Variants in NLGN1 observed in about 807,000 individuals in gnomAD.
NLGN1 encodes the protein neuroligin 1.
In NLGN1, 12 loss-of-function variants were observed where a neutral mutation model predicts 65.5. The observed-to-expected ratio is 0.18, with a 90% CI of 0.12 to 0.30. The LOEUF is 0.30. Ranked by LOEUF, NLGN1 falls within the 10% of genes least tolerant of loss-of-function variation. The probability of loss-of-function intolerance (pLI) is 1.00; values close to 1 mark genes in which losing one functional copy is unlikely to be tolerated. For synonymous variants in NLGN1, 350 were observed against 359.5 expected (o/e 0.97, Z 0.30); for missense variants, 750 against 1,007.1 (o/e 0.74, Z 3.46).
chr3:173,912,020 AT>A (rs1739708051), intron 4 of NLGN1, among the ~76,000 whole-genome samples: 1 of 152,210 alleles, frequency 6.6e-6, no homozygotes, highest in Non-Finnish European at 1.5e-5. Flanking sequence ...TTTTTCTAGT[AT>A]ATTTCATAAG....
At chr3:173,984,629 A>T (rs1037230659) in intron 4 of NLGN1, among the ~76,000 whole-genome samples, 2 of 152,176 alleles carry the variant, frequency 1.3e-5, no homozygotes, top group Non-Finnish European at 2.9e-5. Context: ...TATCAAACTT[A>T]TCTAATCACA....
intron 4 of NLGN1, among the ~76,000 whole-genome samples, chr3:173,935,871 T>C (rs182935639): frequency 6.6e-6 from 1 of 152,058 alleles, no homozygotes; most frequent in East Asian, 1.9e-4. Context: ...AATTATATCA[T>C]GAGGGAAGTT....
chr3:173,912,532 C>A (rs1739824745), intron 4 of NLGN1: 1 of 152,066 alleles, frequency 6.6e-6, no homozygotes, highest in African/African-American at 2.4e-5. Flanking sequence ...CTGGTATATG[C>A]CCCATGTATC....
chr3:173,612,072 A>G (rs1023919786), intron 3 of NLGN1, among the ~76,000 whole-genome samples: 1 of 151,960 alleles, frequency 6.6e-6, no homozygotes, highest in African/African-American at 2.4e-5. Context: ...GGTCTTTAAT[A>G]TCTCTCCTAT....
chr3:173,607,700 A>T (rs1197316565), intron 3 of NLGN1, among the ~76,000 whole-genome samples: 6 of 151,642 alleles, frequency 4.0e-5, no homozygotes, highest in Non-Finnish European at 7.4e-5. Flanking sequence ...ATATCTGTTT[A>T]TATATATACT....
At chr3:174,255,155 G>A (rs1207082098) in intron 4 of NLGN1, among the ~76,000 whole-genome samples, 1 of 152,166 alleles carries the variant, frequency 6.6e-6, no homozygotes, top group East Asian at 1.9e-4. Context: ...CGAAACCTTA[G>A]AGACAGAAGG....
chr3:173,758,532 A>G (rs1341360998), intron 3 of NLGN1, among the ~76,000 whole-genome samples: 1 of 152,040 alleles, frequency 6.6e-6, no homozygotes, highest in African/African-American at 2.4e-5. Context: ...TATTATCTAC[A>G]GTACTTTATA....
At chr3:173,915,978 G>A (rs116575435) in intron 4 of NLGN1, among the ~76,000 whole-genome samples, 1,844 of 152,134 alleles carry the variant, frequency 0.012, 12 homozygotes, top group Non-Finnish European at 0.019. Context: ...GGTTTAGATC[G>A]TGAACTTTAA....
chr3:173,490,026 T>G (rs1214622147), intron 2 of NLGN1, among the ~76,000 whole-genome samples: 2 of 152,188 alleles, frequency 1.3e-5, no homozygotes, highest in South Asian at 4.1e-4. Context: ...TTTCTCCCAT[T>G]CTGTAGGTTG....
chr3:173,970,444 G>T (rs184285847), intron 4 of NLGN1, among the ~76,000 whole-genome samples: 31 of 152,206 alleles, frequency 2.0e-4, no homozygotes, highest in Admixed American at 1.4e-3. Context: ...AATGCCGGAA[G>T]TTCAGTGTGG....
At chr3:174,152,799 A>C (rs1344373995) in intron 4 of NLGN1, among the ~76,000 whole-genome samples, 3 of 152,104 alleles carry the variant, frequency 2.0e-5, no homozygotes, top group Non-Finnish European at 4.4e-5. Context: ...TTTAATCTCC[A>C]ACTAAGAAAA....
the NLGN1 span, among the ~76,000 whole-genome samples, chr3:174,294,217 G>A: frequency 6.6e-6 from 1 of 151,324 alleles, no homozygotes; most frequent in African/African-American, 2.4e-5. Flanking sequence ...TTTAAATTGA[G>A]GTAAAACATC....
intron 4 of NLGN1, among the ~76,000 whole-genome samples, chr3:173,932,518 A>G (rs1402863105): frequency 6.6e-6 from 1 of 152,092 alleles, no homozygotes; most frequent in East Asian, 1.9e-4. Context: ...AAAAAAAAAA[A>G]AAAGTGTGGT....
intron 3 of NLGN1, among the ~76,000 whole-genome samples, chr3:173,618,576 G>C (rs372744657): frequency 3.9e-4 from 59 of 152,264 alleles, no homozygotes; most frequent in African/African-American, 1.4e-3. Context: ...AAACGAGAGA[G>C]TGAGACTATA....
intron 3 of NLGN1, among the ~76,000 whole-genome samples, chr3:173,799,102 C>G (rs896528436): frequency 1.3e-5 from 2 of 151,952 alleles, no homozygotes; most frequent in East Asian, 3.9e-4. Context: ...CAGTACATGA[C>G]TTTCAGTCTC....
intron 3 of NLGN1, among the ~76,000 whole-genome samples, chr3:173,700,279 TATAAG>T (rs1560194859): frequency 6.6e-6 from 1 of 152,170 alleles, no homozygotes; most frequent in African/African-American, 2.4e-5. Flanking sequence ...CTTGGAAAAA[TATAAG>T]ATAATTTTGA....
At chr3:173,807,150 A>G (rs539704784) in intron 3 of NLGN1, among the ~76,000 whole-genome samples, 2 of 152,310 alleles carry the variant, frequency 1.3e-5, no homozygotes, top group East Asian at 3.9e-4. Flanking sequence ...CATCTTGCAT[A>G]ACACAATACT....
At chr3:173,743,735 G>A (rs1774977136) in intron 3 of NLGN1, among the ~76,000 whole-genome samples, 1 of 152,096 alleles carries the variant, frequency 6.6e-6, no homozygotes, top group Admixed American at 6.6e-5. Flanking sequence ...TGGGGAGGGA[G>A]TGGGGATTGT....
intron 2 of NLGN1, among the ~76,000 whole-genome samples, chr3:173,523,489 G>A (rs959623860): frequency 1.7e-4 from 26 of 151,532 alleles, no homozygotes; most frequent in African/African-American, 6.0e-4. Flanking sequence ...CCAGTTTTCC[G>A]ATCACCATTT....
Sources: allele counts gnomAD v4.1 joint callset (sites outside exome capture counted in the v4.1 genomes callset), GRCh38; gene constraint gnomAD v4.1.1; transcripts MANE v1.5; gene names NCBI Gene and HGNC (gene_info 2026-07-23, HGNC 2026-07-21).